SH3PXD2B: variants seen among roughly 807,000 people sequenced by gnomAD.
The protein encoded by SH3PXD2B is SH3 and PX domain-containing protein 2B.
Under a neutral mutation model 73.1 loss-of-function variants are expected in SH3PXD2B, and 37 were observed. That is an observed-to-expected ratio of 0.51 (90% CI 0.39 to 0.67). The LOEUF is 0.67. Among genes scored for constraint, SH3PXD2B ranks in the 30% least tolerant of loss-of-function variants. SH3PXD2B has a pLI of 0.00. For synonymous variants in SH3PXD2B, 457 were observed against 480.5 expected, an observed-to-expected ratio of 0.95 and a Z score of 0.64; for missense variants, 1,053 against 1,197.8, an observed-to-expected ratio of 0.88 and a Z score of 1.78.
At chr5:172,393,611 C>T (rs1758235126) in intron 4 of SH3PXD2B, among the ~76,000 whole-genome samples, 1 of 152,182 alleles carries the variant, frequency 6.6e-6, no homozygotes, top group Non-Finnish European at 1.5e-5. Context: ...GGTAAACATA[C>T]TTGCTTTGTT....
intron 8 of SH3PXD2B, 144 bp from the exon 9 acceptor site, chr5:172,354,149 G>T (rs2113298803): frequency 1.3e-6 from 1 of 756,734 alleles, no homozygotes; most frequent in Non-Finnish European, 2.3e-6. Flanking sequence ...CCTAGCCCTG[G>T]ACAGCCCTGT....
chr5:172,326,098 C>T (rs1218327085), intron 12 of SH3PXD2B, among the ~76,000 whole-genome samples: 1 of 152,196 alleles, frequency 6.6e-6, no homozygotes, highest in Non-Finnish European at 1.5e-5. Flanking sequence ...GCGGCCCTGC[C>T]TCTTAATACT....
chr5:172,331,506 T>G (rs895496220), downstream of SH3PXD2B, among the ~76,000 whole-genome samples: 3 of 152,194 alleles, frequency 2.0e-5, no homozygotes, highest in Non-Finnish European at 4.4e-5. Context: ...CAAATAATAC[T>G]GAATGAGAGA....
intron 4 of SH3PXD2B, among the ~76,000 whole-genome samples, chr5:172,388,554 A>T (rs1234425221): frequency 6.6e-6 from 1 of 152,132 alleles, no homozygotes; most frequent in African/African-American, 2.4e-5. Context: ...AGTCCAAGTG[A>T]ATTCATTATC....
intron 2 of SH3PXD2B, among the ~76,000 whole-genome samples, chr5:172,410,785 T>C (rs1371642773): frequency 6.6e-6 from 1 of 152,226 alleles, no homozygotes; most frequent in African/African-American, 2.4e-5. Context: ...ACAGTGAACA[T>C]GTCCTCTCAT....
At position 172,377,170 on chromosome 5, in the gene SH3PXD2B, C is replaced by T. The variant is rs773146983; in HGVS notation, c.402-3355G>A. On this transcript the variant is annotated intron_variant, in intron 5 of 12. Transcript: ENST00000311601. ...CTTGGGTTCAGGCAGCCACAGCATG[C>T]GTTTGCTCAAGCAGGTGGGTCATCT... 2.6e-5 allele frequency among the ~76,000 whole-genome samples: 4 copies of T among 152,136 alleles called. 1 individual carries two copies. Among genetic ancestry groups the T allele is most frequent in the East Asian group, 1.9e-4 (1 of 5,198 alleles).
chr5:172,428,603 G>A (rs1292683436), intron 1 of SH3PXD2B, among the ~76,000 whole-genome samples: 1 of 152,136 alleles, frequency 6.6e-6, no homozygotes, highest in African/African-American at 2.4e-5. Flanking sequence ...TTCCCAGCCA[G>A]GGGAAAAATG....
intron 1 of SH3PXD2B, among the ~76,000 whole-genome samples, chr5:172,426,265 G>T (rs367712523): frequency 1.3e-5 from 2 of 152,196 alleles, no homozygotes; most frequent in African/African-American, 2.4e-5. Context: ...CTGCCCTAGC[G>T]TAGGGCTTTG....
At chr5:172,368,523 A>T (rs189556042) in intron 6 of SH3PXD2B, among the ~76,000 whole-genome samples, 17 of 19,900 alleles carry the variant, frequency 8.5e-4, no homozygotes, top group African/African-American at 3.2e-3. Flanking sequence ...AAATATATAT[A>T]TATTATATAT....
intron 9 of SH3PXD2B, among the ~76,000 whole-genome samples, chr5:172,352,640 A>G (rs576683249): frequency 6.6e-6 from 1 of 152,164 alleles, no homozygotes. Flanking sequence ...TAACTGAATC[A>G]TGGGGGCCAG....
At chr5:172,438,335 G>A in intron 1 of SH3PXD2B, among the ~76,000 whole-genome samples, 1 of 152,114 alleles carries the variant, frequency 6.6e-6, no homozygotes, top group Non-Finnish European at 1.5e-5. Flanking sequence ...AGGGGTGCTG[G>A]TCTCTTTGCA....
intron 6 of SH3PXD2B, among the ~76,000 whole-genome samples, chr5:172,363,210 A>G (rs774040369): frequency 1.3e-5 from 2 of 152,034 alleles, no homozygotes; most frequent in African/African-American, 2.4e-5. Flanking sequence ...TCCATTATCC[A>G]TCCATCCAAA....
Position 172,358,864 on chromosome 5 carries a change from G to C in SH3PXD2B, c.576C>G (p.Val192=), listed in dbSNP as rs761174493. Residue 192 remains valine, a synonymous_variant, in exon 8 of 13, where the codon GTC becomes GTG. Coordinates refer to ENST00000311601, the MANE Select transcript of SH3PXD2B (RefSeq NM_001017995.3). ...CCCAGCCTTGCTCCTCGGCAGTGCTGACGAACCACCAACCTGGGGAAGCAA... is the reference window on the plus strand; with the variant it reads ...CCCAGCCTTGCTCCTCGGCAGTGCTCACGAACCACCAACCTGGGGAAGCAA... ...IEKNESGWWF[V]STAEEQGWVP... The C allele has an allele frequency of 6.2e-7, 1 of 1,614,008 alleles. No individual in the cohort carries two copies. Among genetic ancestry groups the C allele is most frequent in the Non-Finnish European group, 8.5e-7 (1 of 1,179,958 alleles).
chr5:172,439,294 C>CAA, intron 1 of SH3PXD2B, among the ~76,000 whole-genome samples: 2 of 65,316 alleles, frequency 3.1e-5, no homozygotes, highest in African/African-American at 1.5e-4. Context: ...AAAAAAAACC[C>CAA]CAAAAAAAAA....
chr5:172,359,997 G>T (rs551381406), intron 7 of SH3PXD2B, among the ~76,000 whole-genome samples: 1 of 152,264 alleles, frequency 6.6e-6, no homozygotes, highest in South Asian at 2.1e-4. Context: ...TCTGGAAAAG[G>T]CAAGGAAACA....
chr5:172,376,220 G>A (rs973716906), intron 5 of SH3PXD2B, among the ~76,000 whole-genome samples: 1 of 151,902 alleles, frequency 6.6e-6, no homozygotes, highest in East Asian at 1.9e-4. Flanking sequence ...GTAGAGACGG[G>A]GTTTTGCTAT....
At chr5:172,367,509 T>C (rs980010088) in intron 6 of SH3PXD2B, among the ~76,000 whole-genome samples, 2 of 152,088 alleles carry the variant, frequency 1.3e-5, no homozygotes, top group African/African-American at 4.8e-5. Context: ...ATTACAGTTG[T>C]GAGCCACTGC....
chr5:172,336,964 C>T lies in SH3PXD2B; in HGVS notation c.*1405G>A. ...CGGAGAGGCACAGGAAGCAGCTCTG[C>T]CTGGCCCTTGGTTACCTGCCTCCCT... On this transcript the variant is annotated 3_prime_UTR_variant, in exon 13 of 13. Transcript: ENST00000311601. The T allele has an allele frequency of 1.0e-6, 1 of 985,558 alleles. No individual in the cohort carries two copies. Among genetic ancestry groups the T allele is most frequent in the East Asian group, 1.1e-4 (1 of 8,812 alleles). 61.1% of individuals were successfully genotyped at this position (985,558 alleles called of 1,614,324 possible).
At chr5:172,346,577 A>G (rs1308156252) in intron 11 of SH3PXD2B, among the ~76,000 whole-genome samples, 2 of 152,026 alleles carry the variant, frequency 1.3e-5, no homozygotes, top group African/African-American at 2.4e-5. Flanking sequence ...TTATTAGTAG[A>G]TCTATCTGGG....
Sources: gnomAD v4.1 joint callset for allele counts (sites outside exome capture counted in the v4.1 genomes callset) on GRCh38, gnomAD v4.1.1 for gene constraint, MANE v1.5 for transcripts, NCBI Gene and HGNC (gene_info 2026-07-23, HGNC 2026-07-21) for gene names.